Variants in KCND2 observed in about 807,000 individuals in gnomAD.
The protein encoded by KCND2 is A-type voltage-gated potassium channel KCND2.
Under a neutral mutation model 54.4 loss-of-function variants are expected in KCND2, and 16 were observed. The ratio of observed to expected loss-of-function variants is 0.29; its 90% CI spans 0.20 to 0.45. The LOEUF is 0.45. Among genes scored for constraint, KCND2 ranks in the 20% least tolerant of loss-of-function variants. KCND2 has a pLI of 1.00. For synonymous variants in KCND2, 317 were observed against 310.7 expected (o/e 1.02, Z -0.21); for missense variants, 486 against 824.2 (o/e 0.59, Z 5.02).
In KCND2 at chr7:120,677,560, T is replaced by TATAG. The variant is rs1554384994; in HGVS notation, c.1116-55339_1116-55336dup. 7.3e-4 allele frequency among the ~76,000 whole-genome samples: 101 copies of TATAG among 137,516 alleles called. 1 individual carries two copies. The Middle Eastern group carries it at 0.026, about 35-fold the overall frequency. The allele number at this position is 137,516 out of a possible 152,430, so 90.2% of individuals were successfully genotyped here. ...AGATATAGATATAGATATATAGATA[T>TATAG]ATAGATATATAGATATATAGATATA... On this transcript the variant is annotated intron_variant, in intron 1 of 5. Coordinates refer to ENST00000331113, the MANE Select transcript of KCND2 (RefSeq NM_012281.3).
At chr7:120,653,201 A>ATT (rs34093547) in intron 1 of KCND2, among the ~76,000 whole-genome samples, 81 of 137,776 alleles carry the variant, frequency 5.9e-4, no homozygotes, top group African/African-American at 1.9e-3. Context: ...GCCTGGCTAC[A>ATT]TTTTTTTTTT....
At chr7:120,686,983 T>G (rs1441755389) in intron 1 of KCND2, among the ~76,000 whole-genome samples, 1 of 152,156 alleles carries the variant, frequency 6.6e-6, no homozygotes, top group Non-Finnish European at 1.5e-5. Flanking sequence ...AACAACCACC[T>G]GACAATCACC....
chr7:120,389,454 G>A (rs10280797), intron 1 of KCND2, among the ~76,000 whole-genome samples: 3,253 of 151,672 alleles, frequency 0.021, 113 homozygotes, highest in African/African-American at 0.074. Flanking sequence ...CATACCATAC[G>A]TTAGATTTTT....
chr7:120,709,718 A>G (rs1203126168), intron 1 of KCND2, among the ~76,000 whole-genome samples: 1 of 152,184 alleles, frequency 6.6e-6, no homozygotes, highest in Non-Finnish European at 1.5e-5. Context: ...TAGTTCAAGA[A>G]GAAAGTGTGG....
chr7:120,361,645 G>A (rs942590316), intron 1 of KCND2, among the ~76,000 whole-genome samples: 4 of 152,100 alleles, frequency 2.6e-5, no homozygotes, highest in Admixed American at 1.3e-4. Context: ...AAAAGGAGAA[G>A]GCCATGATAG....
chr7:120,560,452 G>A (rs1405379073), intron 1 of KCND2, among the ~76,000 whole-genome samples: 1 of 152,168 alleles, frequency 6.6e-6, no homozygotes, highest in Non-Finnish European at 1.5e-5. Context: ...TCATTTTTAA[G>A]AGCCAATATC....
chr7:120,562,775 A>G (rs1792251340), intron 1 of KCND2, among the ~76,000 whole-genome samples: 1 of 152,178 alleles, frequency 6.6e-6, no homozygotes, highest in African/African-American at 2.4e-5. Context: ...ATATTTTAGT[A>G]AATGTACATA....
intron 1 of KCND2, among the ~76,000 whole-genome samples, chr7:120,654,372 G>A (rs1791774898): frequency 6.6e-6 from 1 of 152,098 alleles, no homozygotes; most frequent in Admixed American, 6.5e-5. Flanking sequence ...GTATCTTGCT[G>A]GCTAGCATGT....
intron 1 of KCND2, among the ~76,000 whole-genome samples, chr7:120,643,061 A>G (rs951720488): frequency 3.3e-5 from 5 of 152,182 alleles, no homozygotes; most frequent in African/African-American, 4.8e-5. Context: ...TGAGCTTTAC[A>G]CAAGTGTGAA....
At chr7:120,636,385 A>T (rs1793305302) in intron 1 of KCND2, among the ~76,000 whole-genome samples, 1 of 152,114 alleles carries the variant, frequency 6.6e-6, no homozygotes, top group Non-Finnish European at 1.5e-5. Flanking sequence ...CTTCCTCATT[A>T]TGAAATATTT....
chr7:120,512,593 T>A (rs1803135046), intron 1 of KCND2, among the ~76,000 whole-genome samples: 1 of 152,002 alleles, frequency 6.6e-6, no homozygotes, highest in African/African-American at 2.4e-5. Flanking sequence ...TGGAGGCTCA[T>A]TATGAAGAGA....
At chr7:120,536,074 C>G (rs1003298870) in intron 1 of KCND2, among the ~76,000 whole-genome samples, 2 of 152,106 alleles carry the variant, frequency 1.3e-5, no homozygotes, top group African/African-American at 4.8e-5. Flanking sequence ...CTCAGAGATA[C>G]TGTGTCGTTC....
intron 1 of KCND2, among the ~76,000 whole-genome samples, chr7:120,625,958 T>G (rs1442186674): frequency 6.6e-6 from 1 of 152,096 alleles, no homozygotes; most frequent in African/African-American, 2.4e-5. Context: ...AACATAATTT[T>G]AAATATGTAA....
intron 1 of KCND2, among the ~76,000 whole-genome samples, chr7:120,293,328 C>A (rs1378956984): frequency 2.0e-5 from 3 of 151,894 alleles, no homozygotes; most frequent in Admixed American, 1.3e-4. Context: ...ATCATTGTAC[C>A]TGAAAGCATT....
chr7:120,527,153 ATT>A (rs1791786862), intron 1 of KCND2, among the ~76,000 whole-genome samples: 1 of 152,002 alleles, frequency 6.6e-6, no homozygotes, highest in African/African-American at 2.4e-5. Context: ...TAAATTTTCT[ATT>A]TTATGGTGTT....
At chr7:120,546,382 T>A (rs1466260026) in intron 1 of KCND2, among the ~76,000 whole-genome samples, 1 of 151,944 alleles carries the variant, frequency 6.6e-6, no homozygotes, top group East Asian at 1.9e-4. Flanking sequence ...AGAAATAATT[T>A]TATATTCAGT....
intron 1 of KCND2, among the ~76,000 whole-genome samples, chr7:120,683,384 T>C (rs985947716): frequency 6.6e-6 from 1 of 152,112 alleles, no homozygotes; most frequent in Admixed American, 6.6e-5. Flanking sequence ...TTGTGTAGTG[T>C]TGAAAGATGT....
At chr7:120,659,123 A>C (rs1791837377) in intron 1 of KCND2, among the ~76,000 whole-genome samples, 1 of 152,218 alleles carries the variant, frequency 6.6e-6, no homozygotes, top group Admixed American at 6.5e-5. Flanking sequence ...AGAGTGCAAA[A>C]GGAGAAGCAG....
chr7:120,569,707 AG>A (rs1792339616), intron 1 of KCND2, among the ~76,000 whole-genome samples: 1 of 152,182 alleles, frequency 6.6e-6, no homozygotes, highest in Admixed American at 6.6e-5. Flanking sequence ...AGAATAGTAA[AG>A]AAAGTAAACA....
Sources: gnomAD v4.1 joint callset for allele counts (sites outside exome capture counted in the v4.1 genomes callset) on GRCh38, gnomAD v4.1.1 for gene constraint, MANE v1.5 for transcripts, NCBI Gene and HGNC (gene_info 2026-07-23, HGNC 2026-07-21) for gene names.